The following TRHDE variants were observed in gnomAD, a reference collection of about 807,000 sequenced individuals.
The protein encoded by TRHDE is thyrotropin releasing hormone degrading enzyme, also known as thyrotropin-releasing hormone-degrading ectoenzyme.
Under a neutral mutation model 125.7 loss-of-function variants are expected in TRHDE, and 72 were observed. The observed-to-expected ratio is 0.57, with a 90% CI of 0.47 to 0.70. TRHDE has a LOEUF of 0.70. Among genes scored for constraint, TRHDE ranks in the 30% least tolerant of loss-of-function variants. TRHDE has a pLI of 0.00. For missense variants in TRHDE, 1,110 were observed against 1,327.1 expected (o/e 0.84, Z 2.54); for synonymous variants, 509 against 509.1 (o/e 1.00, Z 0.00).
chr12:72,515,676 T>A (rs1454656445), intron 6 of TRHDE, among the ~76,000 whole-genome samples: 1 of 152,082 alleles, frequency 6.6e-6, no homozygotes, highest in Admixed American at 6.6e-5. Context: ...TTGGCTTTTG[T>A]TGCCATTGCT....
intron 12 of TRHDE, among the ~76,000 whole-genome samples, chr12:72,608,489 C>T (rs547453507): frequency 6.6e-6 from 1 of 152,280 alleles, no homozygotes; most frequent in East Asian, 1.9e-4. Flanking sequence ...CTAACTGAAA[C>T]AGCCTCTGTA....
chr12:72,182,353 A>G (rs1877111580), intron 2 of TRHDE, among the ~76,000 whole-genome samples: 1 of 152,190 alleles, frequency 6.6e-6, no homozygotes. Flanking sequence ...TGAATTGGAC[A>G]GCTGGAGGCC....
intron 3 of TRHDE, among the ~76,000 whole-genome samples, chr12:72,467,939 G>A: frequency 6.6e-6 from 1 of 152,214 alleles, no homozygotes; most frequent in Non-Finnish European, 1.5e-5. Context: ...CTCTTATTTT[G>A]AAATATTTAA....
chr12:72,476,783 T>A (rs1876915028), intron 5 of TRHDE, among the ~76,000 whole-genome samples: 1 of 152,234 alleles, frequency 6.6e-6, no homozygotes, highest in Non-Finnish European at 1.5e-5. Context: ...TACATAGTAT[T>A]GTTAAGGAGG....
chr12:72,634,518 T>C (rs55714526), intron 15 of TRHDE, among the ~76,000 whole-genome samples: 9,955 of 152,076 alleles, frequency 0.065, 421 homozygotes, highest in Middle Eastern at 0.13. Context: ...ATTATTATTA[T>C]ACTTTAAGTT....
At chr12:72,372,650 C>A (rs1266969879) in intron 2 of TRHDE, among the ~76,000 whole-genome samples, 1 of 152,170 alleles carries the variant, frequency 6.6e-6, no homozygotes, top group East Asian at 1.9e-4. Flanking sequence ...ATAGGGAATC[C>A]TTTCCCCATT....
chr12:72,355,275 G>T (rs965865974), intron 2 of TRHDE, among the ~76,000 whole-genome samples: 3 of 151,512 alleles, frequency 2.0e-5, no homozygotes, highest in African/African-American at 7.3e-5. Flanking sequence ...ATTCAGAAGT[G>T]GTTGGGGTTT....
At chr12:72,503,221 T>A (rs1190837503) in intron 6 of TRHDE, among the ~76,000 whole-genome samples, 1 of 152,162 alleles carries the variant, frequency 6.6e-6, no homozygotes, top group African/African-American at 2.4e-5. Flanking sequence ...ATAATTTAAT[T>A]CTTATAAGCA....
At chr12:72,417,458 T>C (rs1182949667) in intron 3 of TRHDE, among the ~76,000 whole-genome samples, 1 of 152,046 alleles carries the variant, frequency 6.6e-6, no homozygotes, top group East Asian at 1.9e-4. Flanking sequence ...GCCACAGCAT[T>C]ACTCAGTCTC....
intron 3 of TRHDE, among the ~76,000 whole-genome samples, chr12:72,425,605 G>A (rs1874149845): frequency 6.6e-6 from 1 of 151,636 alleles, no homozygotes; most frequent in African/African-American, 2.4e-5. Context: ...GAAGATAAGT[G>A]GAAAAAACAA....
chr12:72,347,358 A>T (rs1038891022), intron 2 of TRHDE, among the ~76,000 whole-genome samples: 4 of 152,124 alleles, frequency 2.6e-5, no homozygotes, highest in African/African-American at 9.7e-5. Context: ...GATGAGTATT[A>T]ATTAGGAGGC....
At chr12:72,185,968 T>C (rs1240859886) in intron 2 of TRHDE, among the ~76,000 whole-genome samples, 5 of 152,154 alleles carry the variant, frequency 3.3e-5, no homozygotes, top group African/African-American at 1.2e-4. Context: ...TGTATCTAGC[T>C]CAGGGATTGT....
chr12:72,283,130 CTT>C (rs1436532598), intron 1 of TRHDE, among the ~76,000 whole-genome samples: 1 of 152,120 alleles, frequency 6.6e-6, no homozygotes, highest in Non-Finnish European at 1.5e-5. Flanking sequence ...CATAGAAACT[CTT>C]TGCAGGAAGG....
intron 2 of TRHDE, among the ~76,000 whole-genome samples, chr12:72,289,038 T>G (rs557809143): frequency 6.6e-6 from 1 of 152,302 alleles, no homozygotes; most frequent in African/African-American, 2.4e-5. Flanking sequence ...TGTCACTGTT[T>G]TGAAATCCAA....
In TRHDE at chr12:72,660,286, G is replaced by A. The variant is rs1874865614; in HGVS notation, c.3067-2766G>A. On this transcript the variant is annotated intron_variant, in intron 18 of 18. Coordinates refer to ENST00000261180, the MANE Select transcript of TRHDE (RefSeq NM_013381.3). ...ACGGGAGGAACGTGAAAGTGGACAAGGAACATGAGCATTGAAGCACAGCAC... is the reference window on the plus strand; with the variant it reads ...ACGGGAGGAACGTGAAAGTGGACAAAGAACATGAGCATTGAAGCACAGCAC... Among the ~76,000 whole-genome samples the A allele has an allele frequency of 2.0e-5, 3 of 152,218 alleles. No individual in the cohort carries two copies. In the South Asian group the frequency reaches 6.2e-4, roughly 31 times the overall value.
intron 3 of TRHDE, among the ~76,000 whole-genome samples, chr12:72,464,174 G>A (rs1450193681): frequency 6.6e-6 from 1 of 152,184 alleles, no homozygotes; most frequent in African/African-American, 2.4e-5. Flanking sequence ...TTCATCTAGT[G>A]CTCAAAGAGA....
At chr12:72,428,663 A>G (rs1395790891) in intron 3 of TRHDE, among the ~76,000 whole-genome samples, 1 of 152,130 alleles carries the variant, frequency 6.6e-6, no homozygotes. Flanking sequence ...TAGATTGTAC[A>G]ATCAAATGAT....
chr12:72,493,394 C>T (rs537923400), intron 5 of TRHDE, among the ~76,000 whole-genome samples: 1 of 151,822 alleles, frequency 6.6e-6, no homozygotes, highest in South Asian at 2.1e-4. Context: ...GGTTGATCAC[C>T]ATTGGTTATA....
intron 2 of TRHDE, among the ~76,000 whole-genome samples, chr12:72,187,157 T>C (rs1255831770): frequency 6.6e-6 from 1 of 152,168 alleles, no homozygotes; most frequent in African/African-American, 2.4e-5. Context: ...TTCATAATGG[T>C]TCATGAAGTG....
Sources: gnomAD v4.1 joint callset for allele counts (sites outside exome capture counted in the v4.1 genomes callset) on GRCh38, gnomAD v4.1.1 for gene constraint, MANE v1.5 for transcripts, NCBI Gene and HGNC (gene_info 2026-07-23, HGNC 2026-07-21) for gene names.